Variants in HSD17B12 observed in about 807,000 individuals in gnomAD.
The protein encoded by HSD17B12 is very-long-chain 3-oxoacyl-CoA reductase.
In HSD17B12, 32 loss-of-function variants were observed where a neutral mutation model predicts 39.3. The observed-to-expected ratio is 0.81, with a 90% CI of 0.61 to 1.09. The LOEUF is 1.09. Ranked by LOEUF, HSD17B12 falls within the 50% of genes least tolerant of loss-of-function variation. The pLI is 0.00. For synonymous variants in HSD17B12, 150 were observed against 146.7 expected, an observed-to-expected ratio of 1.02 and a Z score of -0.16; for missense variants, 342 against 382.9, an observed-to-expected ratio of 0.89 and a Z score of 0.89.
the HSD17B12 span, among the ~76,000 whole-genome samples, chr11:43,617,130 A>G: frequency 6.6e-6 from 1 of 152,146 alleles, no homozygotes; most frequent in Non-Finnish European, 1.5e-5. Context: ...CTCTTTTAGC[A>G]TCTTCTATTC....
chr11:43,674,707 G>A, the HSD17B12 span, among the ~76,000 whole-genome samples: 6 of 152,260 alleles, frequency 3.9e-5, no homozygotes, highest in Admixed American at 2.6e-4. Context: ...GCCATATGCT[G>A]TGATAGTTGC....
chr11:43,610,570 A>G, the HSD17B12 span, among the ~76,000 whole-genome samples: 1 of 152,216 alleles, frequency 6.6e-6, no homozygotes, highest in South Asian at 2.1e-4. Context: ...CAGTTTCCCC[A>G]TATGCAAAAT....
At chr11:43,814,047 G>A (rs1213466296) in intron 4 of HSD17B12, among the ~76,000 whole-genome samples, 2 of 152,126 alleles carry the variant, frequency 1.3e-5, no homozygotes, top group Non-Finnish European at 2.9e-5. Context: ...CTTATAAGCT[G>A]TAGCAGACTG....
Position 43,840,053 on chromosome 11 carries a change from G to C in HSD17B12, c.673G>C (p.Val225Leu). 6.2e-7 allele frequency: 1 copy of C among 1,612,122 alleles called. No homozygotes were observed. Among genetic ancestry groups the C allele is most frequent in the Non-Finnish European group, 8.5e-7 (1 of 1,178,822 alleles). The change falls in exon 9 of 11, where the codon GTC becomes CTC. Residue 225 changes from valine to leucine, a missense_variant. Transcript: ENST00000278353. ...CCATGAGGAGTATAGGAGCAAGGGCGTCTTTGTGCAGGTGAGTGGAGTTTG... is the reference window on the plus strand; with the variant it reads ...CCATGAGGAGTATAGGAGCAAGGGCCTCTTTGTGCAGGTGAGTGGAGTTTG... ...CLHEEYRSKG[V>L]FVQSVLPYFV...
intron 6 of HSD17B12, among the ~76,000 whole-genome samples, chr11:43,826,959 T>C (rs566058401): frequency 2.0e-5 from 3 of 152,362 alleles, no homozygotes; most frequent in South Asian, 4.1e-4. Flanking sequence ...TTATTGTTAA[T>C]GATTACAGTT....
At chr11:43,742,498 A>T (rs1950376871) in intron 1 of HSD17B12, among the ~76,000 whole-genome samples, 2 of 151,830 alleles carry the variant, frequency 1.3e-5, no homozygotes, top group African/African-American at 2.4e-5. Context: ...ACAAATTTGA[A>T]TTTTTTCCAT....
chr11:43,838,797 A>G (rs1220305097), intron 8 of HSD17B12, among the ~76,000 whole-genome samples: 1 of 152,172 alleles, frequency 6.6e-6, no homozygotes, highest in Admixed American at 6.6e-5. Flanking sequence ...TTCACACAGC[A>G]TAGAAGAAAT....
At chr11:43,784,231 A>T (rs1950794294) in intron 3 of HSD17B12, among the ~76,000 whole-genome samples, 1 of 151,972 alleles carries the variant, frequency 6.6e-6, no homozygotes, top group African/African-American at 2.4e-5. Flanking sequence ...CAGAACAGAA[A>T]GTTTTGCAAT....
At chr11:43,573,482 T>A in the HSD17B12 span, among the ~76,000 whole-genome samples, 2 of 152,140 alleles carry the variant, frequency 1.3e-5, no homozygotes, top group Non-Finnish European at 2.9e-5. Flanking sequence ...AGACATTGAA[T>A]CCACCAGGAA....
At chr11:43,633,523 C>T in the HSD17B12 span, among the ~76,000 whole-genome samples, 18 of 151,736 alleles carry the variant, frequency 1.2e-4, no homozygotes, top group African/African-American at 4.4e-4. Context: ...CAGAGTGAGA[C>T]CTTGTCTCAA....
chr11:43,605,417 CGT>C, the HSD17B12 span, among the ~76,000 whole-genome samples: 2 of 151,932 alleles, frequency 1.3e-5, no homozygotes, highest in Non-Finnish European at 2.9e-5. Context: ...CAAAATTAGC[CGT>C]GTGTGGTGGC....
chr11:43,582,431 G>A, the HSD17B12 span, among the ~76,000 whole-genome samples: 1 of 152,136 alleles, frequency 6.6e-6, no homozygotes, highest in East Asian at 1.9e-4. Context: ...CACAAATCAG[G>A]CCTTCACCAC....
chr11:43,751,183 TACTGGGTAGTTGGA>T (rs1385131663), intron 2 of HSD17B12, among the ~76,000 whole-genome samples: 3 of 152,224 alleles, frequency 2.0e-5, no homozygotes, highest in Non-Finnish European at 4.4e-5. Context: ...TTTCTGGTTG[TACTGGGTAGTTGGA>T]ACTGGGAACA....
chr11:43,644,881 T>C, the HSD17B12 span: 1 of 152,238 alleles, frequency 6.6e-6, no homozygotes, highest in East Asian at 1.9e-4. Context: ...AAATGCCTTC[T>C]TATTAACTTG....
At chr11:43,631,621 C>G in the HSD17B12 span, among the ~76,000 whole-genome samples, 9 of 61,452 alleles carry the variant, frequency 1.5e-4, no homozygotes, top group African/African-American at 3.4e-4. Context: ...CTCTCTCTCT[C>G]TGTCTGTCTG....
At chr11:43,703,822 G>A (rs2134816240) in intron 1 of HSD17B12, among the ~76,000 whole-genome samples, 1 of 151,236 alleles carries the variant, frequency 6.6e-6, no homozygotes, top group South Asian at 2.1e-4. Flanking sequence ...TCTGGCTAAA[G>A]GTTTATTAGT....
At chr11:43,677,535 G>A (rs1387822727), upstream of HSD17B12, among the ~76,000 whole-genome samples, 1 of 152,144 alleles carries the variant, frequency 6.6e-6, no homozygotes, top group Non-Finnish European at 1.5e-5. Context: ...TTGGTGTGCT[G>A]CACCCACTAA....
chr11:43,815,445 G>A lies in HSD17B12; in HGVS notation c.400G>A (p.Val134Met), dbSNP rs751974182. Reference sequence around the variant, plus strand: ...ATCTTGTTCTATTTCAGTGAACAACGTGGGAATGTCGTATGAGTATCCTGA... The same window carrying A: ...ATCTTGTTCTATTTCAGTGAACAACATGGGAATGTCGTATGAGTATCCTGA... ...GLEIGILVNN[V>M]GMSYEYPEYF... is the part of the protein sequence containing the mutation. The change falls in exon 5 of 11, where the codon GTG becomes ATG. Residue 134 changes from valine to methionine, a missense_variant. By Grantham distance (21) the Val-to-Met change is conservative. Coordinates refer to ENST00000278353, the MANE Select transcript of HSD17B12 (RefSeq NM_016142.3). 2.2e-5 allele frequency: 34 copies of A among 1,565,452 alleles called. No individual in the cohort carries two copies. Among genetic ancestry groups the A allele is most frequent in the Middle Eastern group, 1.7e-4 (1 of 5,940 alleles).
intron 4 of HSD17B12, among the ~76,000 whole-genome samples, chr11:43,801,081 G>A (rs780955298): frequency 6.6e-6 from 1 of 152,030 alleles, no homozygotes; most frequent in African/African-American, 2.4e-5. Context: ...AGAGGTTGCA[G>A]TGAGCCGAGA....
Sources: gnomAD v4.1 joint callset for allele counts (sites outside exome capture counted in the v4.1 genomes callset) on GRCh38, gnomAD v4.1.1 for gene constraint, MANE v1.5 for transcripts, NCBI Gene and HGNC (gene_info 2026-07-23, HGNC 2026-07-21) for gene names.